SMIM22: variants seen among roughly 807,000 people sequenced by gnomAD.
The protein encoded by SMIM22 is small integral membrane protein 22.
In SMIM22, 16 loss-of-function variants were observed where a neutral mutation model predicts 8.4. The observed-to-expected ratio is 1.90, with a 90% CI of 1.29 to 2.89. The LOEUF (loss-of-function observed/expected upper bound fraction) is 2.89. Ranked by LOEUF, SMIM22 falls within the 30% of genes most tolerant of loss-of-function variation. The pLI is 0.00. For missense variants in SMIM22, 159 were observed against 107.5 expected, an observed-to-expected ratio of 1.48 and a Z score of -2.12; for synonymous variants, 67 against 47.6, an observed-to-expected ratio of 1.41 and a Z score of -1.68.
At chr16:4,793,777 T>C (rs1411588298), upstream of SMIM22, among the ~76,000 whole-genome samples, 2 of 151,972 alleles carry the variant, frequency 1.3e-5, no homozygotes, top group Admixed American at 6.6e-5. Context: ...AATAAATATA[T>C]GTATACAATT....
chr16:4,795,698 C>T lies in SMIM22; in HGVS notation c.-20-17C>T. 1 of 1,532,574 alleles carries T rather than the reference C, an allele frequency of 6.5e-7. No homozygotes were observed. The highest frequency in any genetic ancestry group is 1.2e-5 in the South Asian group (1 of 83,748). 94.9% of individuals were successfully genotyped at this position (1,532,574 alleles called of 1,614,324 possible). On this transcript the variant is annotated splice_polypyrimidine_tract_variant and intron_variant, in intron 1 of 3. Transcript: ENST00000586005. ...TGAGCCCAGGATCCTGATGCAGCCT[C>T]TGGGGGACCGGGGCAGGTGGCACGG...
In SMIM22 at chr16:4,796,384, C is replaced by A; in HGVS notation, c.*153C>A. 1 of 861,714 alleles carries A rather than the reference C, an allele frequency of 1.2e-6. No homozygotes were observed. Among genetic ancestry groups the A allele is most frequent in the Non-Finnish European group, 1.8e-6 (1 of 568,106 alleles). The allele number at this position is 861,714 out of a possible 1,614,324, so 53.4% of individuals were successfully genotyped here. A position where few individuals can be genotyped will look rare whatever the true frequency, so the allele number is the denominator to read the frequency against. ...GGCCTCTCCAAGCCTTCAGTCAGCACGACTGTGCCAGGTCATCCTCAGTCA... is the reference window on the plus strand; with the variant it reads ...GGCCTCTCCAAGCCTTCAGTCAGCAAGACTGTGCCAGGTCATCCTCAGTCA... On this transcript the variant is annotated 3_prime_UTR_variant, in exon 4 of 4. Transcript: ENST00000586005.
At chr16:4,794,193 T>C (rs181399898), upstream of SMIM22, among the ~76,000 whole-genome samples, 10 of 152,124 alleles carry the variant, frequency 6.6e-5, no homozygotes, top group East Asian at 1.9e-3. Flanking sequence ...CTGCAATCTC[T>C]GCCTCCAGGG....
chr16:4,796,036 G>A lies in SMIM22; in HGVS notation c.213G>A (p.Val71=), dbSNP rs937983251. The change falls in exon 3 of 4, where the codon GTG becomes GTA. Residue 71 remains valine, a synonymous_variant. Coordinates refer to ENST00000586005, the MANE Select transcript of SMIM22 (RefSeq NM_001253794.2). Reference sequence around the variant, plus strand: ...CCCGCAGGGAAAGCCCCAGGAAGGTGAGCCCCTGGAAGGTGAGCCCTGCCG... The same window carrying A: ...CCCGCAGGGAAAGCCCCAGGAAGGTAAGCCCCTGGAAGGTGAGCCCTGCCG... ...PGPRRESPRK[V]SPWKERPKGV... 4.6e-6 allele frequency: 7 copies of A among 1,527,942 alleles called. No homozygotes were observed. The highest frequency in any genetic ancestry group is 5.3e-6 in the Non-Finnish European group (6 of 1,142,008). The allele number at this position is 1,527,942 out of a possible 1,614,324, so 94.6% of individuals were successfully genotyped here. A position where few individuals can be genotyped will look rare whatever the true frequency, so the allele number is the denominator to read the frequency against.
chr16:4,795,280 G>A (rs2082615030), upstream of SMIM22: 1 of 164,446 alleles, frequency 6.1e-6, no homozygotes, highest in African/African-American at 2.4e-5. Context: ...GGGGAGCCAG[G>A]GAGCGCACCT....
Position 4,796,336 on chromosome 16 carries a change from C to A in SMIM22, c.*105C>A. 7.3e-7 allele frequency: 1 copy of A among 1,361,952 alleles called. No homozygotes were observed. Among genetic ancestry groups the A allele is most frequent in the Non-Finnish European group, 9.9e-7 (1 of 1,008,662 alleles). 84.4% of individuals were successfully genotyped at this position (1,361,952 alleles called of 1,614,324 possible). A position where few individuals can be genotyped will look rare whatever the true frequency, so the allele number is the denominator to read the frequency against. On this transcript the variant is annotated 3_prime_UTR_variant, in exon 4 of 4. Transcript: ENST00000586005. ...GTCTGGGTGGGTGACGCGGGACTCG[C>A]CGCCCCACTCAGGTGGCCACCTGGC... is the stretch of plus-strand genomic sequence containing the variant.
chr16:4,796,331 A>G lies in SMIM22; in HGVS notation c.*100A>G, dbSNP rs1240009760. On this transcript the variant is annotated 3_prime_UTR_variant, in exon 4 of 4. Transcript: ENST00000586005. ...TCCCCGTCTGGGTGGGTGACGCGGG[A>G]CTCGCCGCCCCACTCAGGTGGCCAC... 23 of 1,412,362 alleles carry G rather than the reference A, an allele frequency of 1.6e-5. 1 individual carries two copies. In the South Asian group the frequency reaches 2.2e-4, roughly 13 times the overall value. The allele number at this position is 1,412,362 out of a possible 1,614,324, so 87.5% of individuals were successfully genotyped here.
upstream of SMIM22, among the ~76,000 whole-genome samples, chr16:4,790,403 C>T (rs373718410): frequency 3.3e-5 from 5 of 152,314 alleles, no homozygotes; most frequent in Admixed American, 2.0e-4. Context: ...AGCCCCAGGC[C>T]GACTTCTGCC....
At chr16:4,793,134 A>AG (rs2082578776), upstream of SMIM22, among the ~76,000 whole-genome samples, 2 of 125,508 alleles carry the variant, frequency 1.6e-5, no homozygotes, top group Non-Finnish European at 3.4e-5. Context: ...AAAAAAAGGG[A>AG]GGGAGGAGGA....
Position 4,795,742 on chromosome 16 carries a change from T to A in SMIM22, c.8T>A (p.Val3Glu). MA[V>E]STEELEATVQ... ...GGCACGGTGCACGCCAAGATGGCTGTGTCCACAGAGGAGCTGGAGGCCACG... is the reference window on the plus strand; with the variant it reads ...GGCACGGTGCACGCCAAGATGGCTGAGTCCACAGAGGAGCTGGAGGCCACG... The change falls in exon 2 of 4, where the codon GTG becomes GAG. Residue 3 changes from valine to glutamate, a missense_variant. By Grantham distance (121) the Val-to-Glu change is moderately radical (BLOSUM62 -2). Transcript: ENST00000586005. 6.5e-7 allele frequency: 1 copy of A among 1,535,678 alleles called. No individual in the cohort carries two copies. Among genetic ancestry groups the A allele is most frequent in the Non-Finnish European group, 8.7e-7 (1 of 1,146,740 alleles).
upstream of SMIM22, among the ~76,000 whole-genome samples, chr16:4,790,973 G>A (rs1204590224): frequency 6.6e-6 from 1 of 152,170 alleles, no homozygotes; most frequent in Non-Finnish European, 1.5e-5. Context: ...CAGCACGGGG[G>A]CCTCTCCCAT....
upstream of SMIM22, among the ~76,000 whole-genome samples, chr16:4,793,544 A>G (rs1729861766): frequency 6.6e-6 from 1 of 152,220 alleles, no homozygotes; most frequent in South Asian, 2.1e-4. Context: ...AGAGCCCCAC[A>G]TTAGCTGATA....
intron 1 of SMIM22, 132 bp downstream of exon 1, chr16:4,795,581 A>C: frequency 2.7e-6 from 3 of 1,094,742 alleles, no homozygotes; most frequent in Non-Finnish European, 3.8e-6. Flanking sequence ...GCCGAGGGAG[A>C]AGTGGAGTGG....
chr16:4,789,833 A>G (rs1469400595), intron 2 of SMIM22: 1 of 151,794 alleles, frequency 6.6e-6, no homozygotes, highest in Admixed American at 6.6e-5. Context: ...TGACTTCACA[A>G]GGCTTAGGCA....
chr16:4,792,292 GCC>G (rs1567584351), upstream of SMIM22, among the ~76,000 whole-genome samples: 2 of 151,550 alleles, frequency 1.3e-5, no homozygotes, highest in African/African-American at 4.8e-5. Context: ...CCGGGTTCAT[GCC>G]ATTCTCCTGC....
At chr16:4,790,159 C>T (rs1455541657) in intron 2 of SMIM22, 1 of 152,010 alleles carries the variant, frequency 6.6e-6, no homozygotes, top group East Asian at 1.9e-4. Context: ...AGGGGTCCAG[C>T]TGCCTCAGCC....
chr16:4,792,402 G>A (rs555462777), upstream of SMIM22, among the ~76,000 whole-genome samples: 381 of 150,598 alleles, frequency 2.5e-3, 3 homozygotes, highest in Admixed American at 0.018. Context: ...GTGTTAGCCA[G>A]GATGGTCTCG....
At chr16:4,792,733 C>T (rs1421735341), upstream of SMIM22, among the ~76,000 whole-genome samples, 6 of 145,078 alleles carry the variant, frequency 4.1e-5, no homozygotes. Flanking sequence ...ACCCAGGAAG[C>T]GGAGGTTGCA....
chr16:4,796,461 T>C lies in SMIM22; in HGVS notation c.*230T>C. The C allele has an allele frequency of 3.5e-6, 2 of 567,130 alleles. No individual in the cohort carries two copies. Among genetic ancestry groups the C allele is most frequent in the East Asian group, 3.1e-5 (1 of 32,716 alleles). The allele number at this position is 567,130 out of a possible 1,614,324, so 35.1% of individuals were successfully genotyped here. ...GGCCGGGCGCGGTGGCTCACACCTA[T>C]AATCCCAGCACTTTGGGAGGCCGAG... On this transcript the variant is annotated 3_prime_UTR_variant, in exon 4 of 4. Transcript: ENST00000586005.
Sources: gnomAD v4.1 joint callset for allele counts (sites outside exome capture counted in the v4.1 genomes callset) on GRCh38, gnomAD v4.1.1 for gene constraint, MANE v1.5 for transcripts, NCBI Gene and HGNC (gene_info 2026-07-23, HGNC 2026-07-21) for gene names.